The following USP9X variants were observed in gnomAD, a reference collection of about 807,000 sequenced individuals.
USP9X encodes the protein ubiquitin carboxyl-terminal hydrolase 9X.
In USP9X, 7 loss-of-function variants were observed where a neutral mutation model predicts 190.3. The ratio of observed to expected loss-of-function variants is 0.04; its 90% CI spans 0.02 to 0.07. The LOEUF (loss-of-function observed/expected upper bound fraction) is 0.07. Among genes scored for constraint, USP9X ranks in the 10% least tolerant of loss-of-function variants. The pLI is 1.00. For synonymous variants in USP9X, 645 were observed against 659.5 expected, an observed-to-expected ratio of 0.98 and a Z score of 0.34; for missense variants, 1,010 against 1,916.9, an observed-to-expected ratio of 0.53 and a Z score of 8.83.
chrX:41,154,407 G>T (rs1569171439), intron 14 of USP9X, among the ~76,000 whole-genome samples: 1 of 111,618 alleles, frequency 9.0e-6, no homozygotes, highest in East Asian at 2.8e-4. Flanking sequence ...AGCCCTCATG[G>T]TTGCCAAGGA....
At chrX:41,197,338 C>A (rs750917847) in intron 28 of USP9X, 26 bp from the exon 29 acceptor site, 6 of 554,343 alleles carry the variant, frequency 1.1e-5, no homozygotes, top group Non-Finnish European at 1.2e-5. Context: ...TCTTCCCCCC[C>A]CCACCCCACC....
chrX:41,098,721 A>G (rs1393140170), intron 1 of USP9X, among the ~76,000 whole-genome samples: 1 of 106,239 alleles, frequency 9.4e-6, no homozygotes, highest in Admixed American at 1.0e-4. Flanking sequence ...ACACCCGGCT[A>G]ATTTTTGTGT....
intron 2 of USP9X, among the ~76,000 whole-genome samples, 163 bp from the exon 3 acceptor site, chrX:41,128,837 C>T (rs944128607): frequency 4.5e-5 from 5 of 112,017 alleles, no homozygotes; most frequent in African/African-American, 9.7e-5. Flanking sequence ...TGAATATTTT[C>T]GATCCAAGGT....
rs1430779932 is a variant in USP9X at position 41,196,314 on chromosome X, C to T, written c.4041C>T (p.His1347=). The T allele has an allele frequency of 8.3e-7, 1 of 1,211,714 alleles. No homozygotes were observed. The highest frequency in any genetic ancestry group is 2.2e-5 in the Admixed American group (1 of 45,993). Residue 1347 remains histidine, a synonymous_variant, in exon 27 of 45, where the codon CAC becomes CAT. Coordinates refer to ENST00000378308, the MANE Select transcript of USP9X (RefSeq NM_001039591.3). ...TGTGCACCAGATGTTGCATGGGACA[C>T]CGGCCTCTACTTTTCTTCATTACTC... ...FLMCTRCCMG[H]RPLLFFITLL...
At chrX:41,212,786 G>C (rs963482877) in intron 33 of USP9X, among the ~76,000 whole-genome samples, 1 of 111,331 alleles carries the variant, frequency 9.0e-6, no homozygotes, top group Non-Finnish European at 1.9e-5. Flanking sequence ...TGATTACCAG[G>C]AAATGATTGG....
intron 1 of USP9X, among the ~76,000 whole-genome samples, chrX:41,090,873 A>G (rs1256631369): frequency 1.8e-5 from 2 of 111,398 alleles, no homozygotes; most frequent in South Asian, 3.9e-4. Flanking sequence ...TATATACAGT[A>G]TATGTGCACA....
intron 4 of USP9X, among the ~76,000 whole-genome samples, chrX:41,133,940 T>C (rs1026876865): frequency 8.9e-6 from 1 of 112,387 alleles, no homozygotes; most frequent in Admixed American, 9.5e-5. Flanking sequence ...TTTCTTTCTT[T>C]TGGGCATATC....
At chrX:41,213,635 T>A (rs148262390) in intron 33 of USP9X, among the ~76,000 whole-genome samples, 6 of 112,245 alleles carry the variant, frequency 5.3e-5, no homozygotes, top group African/African-American at 1.9e-4. Flanking sequence ...TATCTGGCCC[T>A]TTACAGAAAG....
chrX:41,141,821 C>T (rs1297542694), intron 9 of USP9X, among the ~76,000 whole-genome samples: 14 of 111,260 alleles, frequency 1.3e-4, no homozygotes, highest in African/African-American at 4.6e-4. Flanking sequence ...CGTTTTAAAA[C>T]AGGAAATAAA....
intron 26 of USP9X, among the ~76,000 whole-genome samples, chrX:41,191,250 A>C (rs2062932365): frequency 9.5e-6 from 1 of 105,535 alleles, no homozygotes; most frequent in Non-Finnish European, 1.9e-5. Flanking sequence ...AATTGCTTGA[A>C]CCCGGAAGGC....
At chrX:41,229,507 T>G in intron 42 of USP9X, 60 bp from the exon 43 acceptor site, 1 of 1,171,996 alleles carries the variant, frequency 8.5e-7, no homozygotes, top group Non-Finnish European at 1.1e-6. Flanking sequence ...GTTGTCATTT[T>G]AAGTTAACTT....
intron 14 of USP9X, among the ~76,000 whole-genome samples, chrX:41,158,123 G>T (rs1001438502): frequency 9.0e-6 from 1 of 110,804 alleles, no homozygotes; most frequent in African/African-American, 3.3e-5. Context: ...AGAATCTCAG[G>T]GAAATATTGG....
intron 1 of USP9X, among the ~76,000 whole-genome samples, chrX:41,120,911 T>C (rs2062185901): frequency 9.4e-6 from 1 of 106,360 alleles, no homozygotes; most frequent in Non-Finnish European, 1.9e-5. Context: ...CCATTTCATC[T>C]CACTGCTACC....
At chrX:41,126,462 T>C (rs1030841599) in intron 2 of USP9X, among the ~76,000 whole-genome samples, 1 of 111,948 alleles carries the variant, frequency 8.9e-6, no homozygotes, top group Admixed American at 9.5e-5. Context: ...ACCTGCATTG[T>C]CCATGGAATT....
chrX:41,090,073 A>AT (rs1008893125), intron 1 of USP9X, among the ~76,000 whole-genome samples: 5 of 105,682 alleles, frequency 4.7e-5, no homozygotes, highest in African/African-American at 6.9e-5. Context: ...GGCTATTTGT[A>AT]TTTTTTTTCT....
At position 41,176,478 on chromosome X, in the gene USP9X, A is replaced by G. The variant is rs1227402941; in HGVS notation, c.3148+4520A>G. 2.7e-5 allele frequency among the ~76,000 whole-genome samples: 3 copies of G among 111,845 alleles called. No individual in the cohort carries two copies. In the East Asian group the frequency reaches 8.4e-4, roughly 31 times the overall value. ...AATGCTGACTTGACATTGCTGAGAT[A>G]CAGTGCAAAAGAGTGGAGCTCTGAG... On this transcript the variant is annotated intron_variant, in intron 21 of 44. Transcript: ENST00000378308.
chrX:41,101,146 T>A (rs2062031115), intron 1 of USP9X, among the ~76,000 whole-genome samples: 1 of 111,741 alleles, frequency 8.9e-6, no homozygotes, highest in African/African-American at 3.3e-5. Flanking sequence ...TATTTTTGCT[T>A]TAACATTGTA....
In USP9X at chrX:41,085,786, G is replaced by A. The variant is rs1373141845; in HGVS notation, c.-482G>A. 6.7e-6 allele frequency: 2 copies of A among 297,959 alleles called. No homozygotes were observed. The highest frequency in any genetic ancestry group is 6.1e-5 in the Admixed American group (1 of 16,402). 24.6% of individuals were successfully genotyped at this position (297,959 alleles called of 1,213,427 possible). ...GGAGGAGCAGGAGGAGGTGACGCAG[G>A]AGAAACGCACCGCCCGGAGCCCGTC... is the stretch of plus-strand genomic sequence containing the variant. On this transcript the variant is annotated 5_prime_UTR_variant, in exon 1 of 45. Coordinates refer to ENST00000378308, the MANE Select transcript of USP9X (RefSeq NM_001039591.3).
intron 11 of USP9X, among the ~76,000 whole-genome samples, chrX:41,146,096 C>T (rs899949882): frequency 1.8e-5 from 2 of 111,344 alleles, no homozygotes; most frequent in African/African-American, 3.3e-5. Context: ...TAAAGACTTC[C>T]GAAATGATGA....
Sources: allele counts gnomAD v4.1 joint callset (sites outside exome capture counted in the v4.1 genomes callset), GRCh38; gene constraint gnomAD v4.1.1; transcripts MANE v1.5; gene names NCBI Gene and HGNC (gene_info 2026-07-23, HGNC 2026-07-21).